The following PLCG2 variants were observed in gnomAD, a reference collection of about 807,000 sequenced individuals.
PLCG2 encodes the protein phospholipase C gamma 2.
Under a neutral mutation model 175.6 loss-of-function variants are expected in PLCG2, and 69 were observed. The observed-to-expected ratio is 0.39, with a 90% CI of 0.32 to 0.48. The LOEUF is 0.48. Among genes scored for constraint, PLCG2 ranks in the 20% least tolerant of loss-of-function variants. The pLI, the probability that PLCG2 is intolerant of heterozygous loss-of-function variation, is 0.91. For synonymous variants in PLCG2, 827 were observed against 624.0 expected, an observed-to-expected ratio of 1.33 and a Z score of -4.85; for missense variants, 1,798 against 1,650.9, an observed-to-expected ratio of 1.09 and a Z score of -1.54.
At chr16:81,802,203 C>T (rs559930951) in intron 2 of PLCG2, among the ~76,000 whole-genome samples, 1 of 147,514 alleles carries the variant, frequency 6.8e-6, no homozygotes, top group African/African-American at 2.5e-5. Context: ...AGCTCCGCCT[C>T]CCGGGTTCAC....
intron 8 of PLCG2, among the ~76,000 whole-genome samples, chr16:81,882,910 C>T (rs576111604): frequency 6.6e-6 from 1 of 152,252 alleles, no homozygotes; most frequent in South Asian, 2.1e-4. Flanking sequence ...CCTCCCTTCC[C>T]ACCCTCATCT....
chr16:81,764,844 C>T (rs1049004199), intron 2 of PLCG2, among the ~76,000 whole-genome samples: 17 of 152,148 alleles, frequency 1.1e-4, no homozygotes, highest in Non-Finnish European at 1.6e-4. Flanking sequence ...AATCCCAGTA[C>T]TTTGGGAGGC....
intron 2 of PLCG2, among the ~76,000 whole-genome samples, chr16:81,767,181 A>G (rs948097449): frequency 5.2e-5 from 6 of 115,366 alleles, no homozygotes; most frequent in South Asian, 2.7e-4. Context: ...GTCTCGATCT[A>G]TCACCCACGC....
At chr16:81,918,032 T>G (rs1442883299) in intron 19 of PLCG2, among the ~76,000 whole-genome samples, 1 of 152,186 alleles carries the variant, frequency 6.6e-6, no homozygotes, top group African/African-American at 2.4e-5. Flanking sequence ...CTTTGTCCAT[T>G]TTTAAATTGG....
At chr16:81,740,748 A>AC (rs1909573930) in intron 1 of PLCG2, among the ~76,000 whole-genome samples, 2 of 141,948 alleles carry the variant, frequency 1.4e-5, no homozygotes, top group Non-Finnish European at 3.1e-5. Flanking sequence ...AAAAAAAAAA[A>AC]AAAAAAAAAA....
At chr16:81,845,523 C>G (rs893040692) in intron 2 of PLCG2, among the ~76,000 whole-genome samples, 7 of 152,212 alleles carry the variant, frequency 4.6e-5, no homozygotes. Flanking sequence ...AGCTGGGACT[C>G]CAGGTTCCAG....
chr16:81,853,571 T>C (rs1906529937), intron 2 of PLCG2, among the ~76,000 whole-genome samples: 2 of 152,140 alleles, frequency 1.3e-5, no homozygotes, highest in African/African-American at 4.8e-5. Flanking sequence ...CTCGCATGCG[T>C]AGTTCACCGT....
chr16:81,797,493 C>G (rs774503191), intron 2 of PLCG2, among the ~76,000 whole-genome samples: 1 of 152,210 alleles, frequency 6.6e-6, no homozygotes, highest in Admixed American at 6.5e-5. Context: ...CTTCGGTAGT[C>G]CTGACCCACA....
intron 1 of PLCG2, among the ~76,000 whole-genome samples, chr16:81,742,023 C>T (rs1909605279): frequency 2.0e-5 from 3 of 152,106 alleles, no homozygotes; most frequent in African/African-American, 7.2e-5. Flanking sequence ...CAACTTCTCC[C>T]TATCCTCCCC....
intron 1 of PLCG2, among the ~76,000 whole-genome samples, chr16:81,743,520 C>T (rs1909641296): frequency 6.6e-6 from 1 of 152,186 alleles, no homozygotes; most frequent in Non-Finnish European, 1.5e-5. Flanking sequence ...GAGCCAGAGG[C>T]CACAGTGGCC....
At chr16:81,855,627 C>G (rs185982762) in intron 3 of PLCG2, among the ~76,000 whole-genome samples, 1 of 152,254 alleles carries the variant, frequency 6.6e-6, no homozygotes, top group East Asian at 1.9e-4. Flanking sequence ...AGCTCTCAGT[C>G]GACTTGGGGA....
At chr16:81,919,738 G>A in intron 20 of PLCG2, 74 bp downstream of exon 20, 3 of 1,290,780 alleles carry the variant, frequency 2.3e-6, no homozygotes, top group Admixed American at 3.8e-5. Flanking sequence ...CATGAATTCA[G>A]CAAACCTCTG....
At chr16:81,849,783 A>C (rs1906310341) in intron 2 of PLCG2, among the ~76,000 whole-genome samples, 1 of 108,676 alleles carries the variant, frequency 9.2e-6, no homozygotes, top group African/African-American at 2.6e-5. Flanking sequence ...AAAAAAAAAA[A>C]AAAAAAAAAA....
intron 13 of PLCG2, chr16:81,898,779 G>C (rs1239868191): frequency 2.6e-5 from 4 of 152,158 alleles, no homozygotes; most frequent in Non-Finnish European, 5.9e-5. Context: ...ATAGTTTCCT[G>C]AGGTGATATG....
intron 31 of PLCG2, among the ~76,000 whole-genome samples, chr16:81,954,001 A>G (rs983826416): frequency 5.3e-5 from 8 of 152,154 alleles, no homozygotes; most frequent in African/African-American, 1.9e-4. Flanking sequence ...ATGGTATAGT[A>G]TTAAGACTTA....
chr16:81,924,330 T>C (rs1910173828), intron 22 of PLCG2, among the ~76,000 whole-genome samples: 1 of 152,268 alleles, frequency 6.6e-6, no homozygotes, highest in South Asian at 2.1e-4. Flanking sequence ...ACAAGATAAC[T>C]GGACCTGGCT....
chr16:81,830,817 AG>A, intron 2 of PLCG2, among the ~76,000 whole-genome samples: 1 of 151,502 alleles, frequency 6.6e-6, no homozygotes, highest in South Asian at 2.1e-4. Flanking sequence ...GGGAAGGGTG[AG>A]GGGGGCATCG....
chr16:81,896,986 G>C lies in PLCG2; in HGVS notation c.1193+1059G>C, dbSNP rs75618523. Among the ~76,000 whole-genome samples, 673 of 152,280 alleles carry C rather than the reference G, an allele frequency of 4.4e-3. 5 individuals are homozygous for C. The highest frequency in any genetic ancestry group is 0.016 in the African/African-American group (644 of 41,536). On this transcript the variant is annotated intron_variant, in intron 13 of 32. Coordinates refer to ENST00000564138, the MANE Select transcript of PLCG2 (RefSeq NM_002661.5). ...GAGGTCAACGAAATTGTTCTATAAAGAGCCAGATACAAATGTTTCAGGCTT... is the reference window on the plus strand; with the variant it reads ...GAGGTCAACGAAATTGTTCTATAAACAGCCAGATACAAATGTTTCAGGCTT...
At chr16:81,884,998 C>T in intron 9 of PLCG2, among the ~76,000 whole-genome samples, 1 of 152,126 alleles carries the variant, frequency 6.6e-6, no homozygotes, top group East Asian at 1.9e-4. Flanking sequence ...ACCGATCCTC[C>T]TGCCTCAGCC....
Sources: gnomAD v4.1 joint callset for allele counts (sites outside exome capture counted in the v4.1 genomes callset) on GRCh38, gnomAD v4.1.1 for gene constraint, MANE v1.5 for transcripts, NCBI Gene and HGNC (gene_info 2026-07-23, HGNC 2026-07-21) for gene names.